SMARCA2: variants seen among roughly 807,000 people sequenced by gnomAD.
SMARCA2 encodes the protein SWI/SNF related BAF chromatin remodeling complex subunit ATPase 2, also known as SWI/SNF-related matrix-associated actin-dependent regulator of chromatin subfamily A member 2.
A neutral mutation model predicts 199.8 loss-of-function variants in SMARCA2; 61 were observed. The observed-to-expected ratio is 0.31, with a 90% confidence interval of 0.25 to 0.38. The LOEUF is 0.38. Among genes scored for constraint, SMARCA2 ranks in the 10% least tolerant of loss-of-function variants. The pLI is 1.00. For missense variants in SMARCA2, 1,344 were observed against 2,012.2 expected (o/e 0.67, Z 6.35); for synonymous variants, 935 against 732.0 (o/e 1.28, Z -4.48).
intron 3 of SMARCA2, among the ~76,000 whole-genome samples, chr9:2,034,811 C>T (rs1180476039): frequency 6.6e-6 from 1 of 152,102 alleles, no homozygotes; most frequent in Non-Finnish European, 1.5e-5. Context: ...ATTTTGGTGG[C>T]AGGCAGGCAT....
intron 19 of SMARCA2, among the ~76,000 whole-genome samples, chr9:2,089,219 A>T (rs1563761096): frequency 6.6e-6 from 1 of 152,182 alleles, no homozygotes; most frequent in East Asian, 1.9e-4. Flanking sequence ...CTTAGTCTGC[A>T]GTACTTTAGA....
chr9:2,130,300 A>G (rs1006235071), intron 27 of SMARCA2, among the ~76,000 whole-genome samples: 5 of 152,142 alleles, frequency 3.3e-5, no homozygotes, highest in Admixed American at 3.3e-4. Context: ...GAGTGATAGC[A>G]CCATGTGCTG....
intron 27 of SMARCA2, among the ~76,000 whole-genome samples, chr9:2,141,943 C>A (rs902500582): frequency 1.2e-4 from 18 of 152,260 alleles, no homozygotes; most frequent in African/African-American, 4.3e-4. Context: ...AGGACTTACG[C>A]AGAATTGAAG....
chr9:2,064,449 G>A (rs1222316438), intron 9 of SMARCA2, among the ~76,000 whole-genome samples: 1 of 152,134 alleles, frequency 6.6e-6, no homozygotes, highest in Admixed American at 6.5e-5. Flanking sequence ...TAAGTGCTCA[G>A]TAAACATTAT....
Position 2,088,485 on chromosome 9 carries a change from A to G in SMARCA2, c.2770-15A>G. 1 of 1,565,502 alleles carries G rather than the reference A, an allele frequency of 6.4e-7. No individual in the cohort carries two copies. Among genetic ancestry groups the G allele is most frequent in the Non-Finnish European group, 8.6e-7 (1 of 1,166,284 alleles). On this transcript the variant is annotated splice_polypyrimidine_tract_variant and intron_variant, in intron 18 of 33. Transcript: ENST00000349721. Reference sequence around the variant, plus strand: ...TTCTTTAAAAAATCAAATTCATAATAAGCCTCTCTTACAGGTGGACTTAAA... The same window carrying G: ...TTCTTTAAAAAATCAAATTCATAATGAGCCTCTCTTACAGGTGGACTTAAA...
chr9:2,065,443 GTC>G (rs138578190), intron 9 of SMARCA2, among the ~76,000 whole-genome samples: 25 of 149,972 alleles, frequency 1.7e-4, no homozygotes, highest in Non-Finnish European at 1.3e-4. Flanking sequence ...CTTTTATCCT[GTC>G]TCTCTCTCTC....
At chr9:2,090,437 G>A (rs1485140125) in intron 19 of SMARCA2, among the ~76,000 whole-genome samples, 2 of 151,620 alleles carry the variant, frequency 1.3e-5, no homozygotes, top group African/African-American at 4.9e-5. Flanking sequence ...AGTAGGCATG[G>A]GTTTCACCAC....
Position 2,123,899 on chromosome 9 carries a change from G to A in SMARCA2, c.3943G>A (p.Asp1315Asn). The A allele has an allele frequency of 1.3e-6, 2 of 1,587,756 alleles. No individual in the cohort carries two copies. Among genetic ancestry groups the A allele is most frequent in the Non-Finnish European group, 1.7e-6 (2 of 1,166,988 alleles). The change falls in exon 27 of 34, where the codon GAC becomes AAC. Residue 1315 changes from aspartate to asparagine, a missense_variant. Physicochemically the swap from Asp to Asn is conservative, Grantham distance 23. Coordinates refer to ENST00000349721, the MANE Select transcript of SMARCA2 (RefSeq NM_003070.5). The surrounding 1 kb of genome is among the most constrained non-coding windows in gnomAD (Gnocchi z 4.1). ...GRGSRQRRDV[D>N]YSDALTEKQW... ...GGGGTCCCGCCAGCGCCGTGACGTGGACTACAGTGACGCCCTCACGGAGAA... is the reference window on the plus strand; with the variant it reads ...GGGGTCCCGCCAGCGCCGTGACGTGAACTACAGTGACGCCCTCACGGAGAA...
intron 1 of SMARCA2, among the ~76,000 whole-genome samples, chr9:2,023,739 T>A (rs893678452): frequency 6.6e-6 from 1 of 152,206 alleles, no homozygotes; most frequent in Admixed American, 6.5e-5. Flanking sequence ...TGCTTCCCCA[T>A]TAAGAATAAC....
At chr9:2,032,386 T>C (rs548873275) in intron 2 of SMARCA2, 1 of 152,358 alleles carries the variant, frequency 6.6e-6, no homozygotes, top group East Asian at 1.9e-4. Context: ...TCCTCCTCCC[T>C]CTGTAGTACA....
At position 2,161,849 on chromosome 9, in the gene SMARCA2, A is replaced by C. The variant is rs1317802180; in HGVS notation, c.4145A>C (p.Lys1382Thr). ...GAGAAACTGTCACCAAATCCCCCCA[A>C]ACTGACAAAGCAGATGAACGCTATC... ...PAEKLSPNPP[K>T]LTKQMNAIID... The change falls in exon 28 of 34, where the codon AAA (lysine) becomes ACA (threonine). Residue 1382 changes from lysine to threonine, a missense_variant. Transcript: ENST00000349721. The surrounding 1 kb of genome is among the most constrained non-coding windows in gnomAD (Gnocchi z 4.7). 1 of 1,614,110 alleles carries C rather than the reference A, an allele frequency of 6.2e-7. No homozygotes were observed.
intron 9 of SMARCA2, among the ~76,000 whole-genome samples, chr9:2,067,950 C>T (rs978909056): frequency 6.6e-6 from 1 of 152,160 alleles, no homozygotes; most frequent in Non-Finnish European, 1.5e-5. Context: ...TTTTAATGTA[C>T]TATTCATTGA....
intron 9 of SMARCA2, among the ~76,000 whole-genome samples, chr9:2,068,278 A>C (rs920552750): frequency 9.9e-5 from 15 of 152,178 alleles, no homozygotes; most frequent in African/African-American, 2.9e-4. Flanking sequence ...TGAGCTTATA[A>C]ATGTTTTTGC....
At chr9:2,064,868 A>G (rs995615695) in intron 9 of SMARCA2, among the ~76,000 whole-genome samples, 3 of 152,250 alleles carry the variant, frequency 2.0e-5, no homozygotes, top group African/African-American at 7.2e-5. Context: ...CCATACCAGG[A>G]GCAGCCCTGC....
intron 27 of SMARCA2, among the ~76,000 whole-genome samples, chr9:2,149,374 G>A (rs938658397): frequency 6.6e-6 from 1 of 151,072 alleles, no homozygotes; most frequent in African/African-American, 2.4e-5. Flanking sequence ...AAAAAAATTA[G>A]CCAGGCATGA....
intron 29 of SMARCA2, among the ~76,000 whole-genome samples, chr9:2,177,136 A>ATATT (rs1586797318): frequency 6.6e-6 from 1 of 152,170 alleles, no homozygotes; most frequent in South Asian, 2.1e-4. Flanking sequence ...TCAATGATAT[A>ATATT]TATTAAACTT....
intron 28 of SMARCA2, among the ~76,000 whole-genome samples, chr9:2,163,637 T>A (rs1465002881): frequency 6.6e-6 from 1 of 152,194 alleles, no homozygotes; most frequent in African/African-American, 2.4e-5. Context: ...CATCAAACTT[T>A]TTTGCCTTTG....
In SMARCA2 at chr9:2,170,592, C is replaced by G; in HGVS notation, c.4253+120C>G. On this transcript the variant is annotated intron_variant, in intron 29 of 33. Coordinates refer to ENST00000349721, the MANE Select transcript of SMARCA2 (RefSeq NM_003070.5). This position sits in a 1 kb window ranked among gnomAD's most constrained non-coding sequence, Gnocchi z 4.7. ...TTTCTTCGGTCACCTCCTGATCACC[C>G]CTACTTGGAGAGCGGGATAGAGGCA... is the stretch of plus-strand genomic sequence containing the variant. 1 of 1,519,056 alleles carries G rather than the reference C, an allele frequency of 6.6e-7. No homozygotes were observed. Among genetic ancestry groups the G allele is most frequent in the Non-Finnish European group, 9.0e-7 (1 of 1,108,578 alleles). The allele number at this position is 1,519,056 out of a possible 1,614,324, so 94.1% of individuals were successfully genotyped here. A position where few individuals can be genotyped will look rare whatever the true frequency, so the allele number is the denominator to read the frequency against.
chr9:2,171,776 C>T (rs1231376865), intron 29 of SMARCA2, among the ~76,000 whole-genome samples: 1 of 152,162 alleles, frequency 6.6e-6, no homozygotes, highest in Non-Finnish European at 1.5e-5. Flanking sequence ...GGCTAAATGG[C>T]ATGATGTAAG....
Sources: allele counts gnomAD v4.1 joint callset (sites outside exome capture counted in the v4.1 genomes callset), GRCh38; gene constraint gnomAD v4.1.1; non-coding constraint Gnocchi (gnomAD v3.1); transcripts MANE v1.5; gene names NCBI Gene and HGNC (gene_info 2026-07-23, HGNC 2026-07-21).